Variants in GRHL3 observed in about 807,000 individuals in gnomAD.
The protein encoded by GRHL3 is grainyhead-like protein 3 homolog.
In GRHL3, 20 loss-of-function variants were observed where a neutral mutation model predicts 70.3. The observed-to-expected ratio is 0.28, with a 90% CI of 0.20 to 0.41. The LOEUF is 0.41. GRHL3 is among the 10% of genes least tolerant of loss of function. GRHL3 has a pLI of 1.00. For synonymous variants in GRHL3, 299 were observed against 299.9 expected (o/e 1.00, Z 0.03); for missense variants, 637 against 762.3 (o/e 0.84, Z 1.94).
chr1:24,343,331 C>T (rs541935786), intron 11 of GRHL3: 13 of 342,034 alleles, frequency 3.8e-5, no homozygotes, highest in East Asian at 5.6e-5. Flanking sequence ...GGAATTCTCA[C>T]GGCAGCACTT....
At chr1:24,338,209 C>T in intron 7 of GRHL3, 106 bp downstream of exon 7, 2 of 709,790 alleles carry the variant, frequency 2.8e-6, no homozygotes, top group Non-Finnish European at 4.6e-6. Context: ...TGGCTCTGAC[C>T]TCTGTCTCCA....
At position 24,354,442 on chromosome 1, in the gene GRHL3, T is replaced by C; in HGVS notation, c.1763T>C (p.Met588Thr). The change falls in exon 16 of 16, where the codon ATG becomes ACG. Residue 588 changes from methionine (M) to threonine (T), a missense_variant. Physicochemically the swap from Met to Thr is moderately conservative, Grantham distance 81 (BLOSUM62 -1). Around this residue, in one of 2 missense-constraint regions of GRHL3, gnomAD observed 387 missense variants for 513.8 expected, o/e 0.75. Transcript: ENST00000361548. ...AACCACGTCGCCTTCCTGCTGGACA[T>C]GGGGGAGCTGGACGGCAAAATTCAG... is the stretch of plus-strand genomic sequence containing the variant. ...YSNHVAFLLD[M>T]GELDGKIQII... 1 of 1,613,822 alleles carries C rather than the reference T, an allele frequency of 6.2e-7. No homozygotes were observed. The highest frequency in any genetic ancestry group is 8.5e-7 in the Non-Finnish European group (1 of 1,179,806).
chr1:24,335,128 C>T (rs1639749496), intron 3 of GRHL3, among the ~76,000 whole-genome samples: 1 of 151,786 alleles, frequency 6.6e-6, no homozygotes, highest in Admixed American at 6.6e-5. Context: ...ACTTCAAAGC[C>T]TTAGTAATAG....
intron 1 of GRHL3, among the ~76,000 whole-genome samples, chr1:24,323,968 C>G (rs763178055): frequency 6.6e-6 from 1 of 152,218 alleles, no homozygotes; most frequent in Non-Finnish European, 1.5e-5. Flanking sequence ...TGGCAGTGGC[C>G]TTCACCTTTT....
At position 24,337,644 on chromosome 1, in the gene GRHL3, A is replaced by C; in HGVS notation, c.695A>C (p.Glu232Ala). ...EDYPSLKSDF[E>A]YTLGSPKAIH... ...CTCCCTCCTCCCTGCAGTGACTTTGAATACACCCTGGGCTCCCCCAAAGCC... is the reference window on the plus strand; with the variant it reads ...CTCCCTCCTCCCTGCAGTGACTTTGCATACACCCTGGGCTCCCCCAAAGCC... The change falls in exon 6 of 16, where the codon GAA becomes GCA. Residue 232 changes from glutamate to alanine, a missense_variant. Glu to Ala is a moderately radical substitution (Grantham distance 107). Transcript: ENST00000361548. 6.2e-7 allele frequency: 1 copy of C among 1,614,084 alleles called. No homozygotes were observed. The highest frequency in any genetic ancestry group is 2.2e-5 in the East Asian group (1 of 44,878).
At chr1:24,319,866 G>GA in intron 1 of GRHL3, 1 of 671,686 alleles carries the variant, frequency 1.5e-6, no homozygotes, top group Non-Finnish European at 2.3e-6. Context: ...TTGATCCTCT[G>GA]AAGGGGCCTT....
rs1639732960 is a variant in GRHL3 at position 24,334,775 on chromosome 1, G to T, written c.266+69G>T. The T allele has an allele frequency of 1.3e-5, 17 of 1,296,074 alleles. No homozygotes were observed. The allele number at this position is 1,296,074 out of a possible 1,614,324, so 80.3% of individuals were successfully genotyped here. The stretch of plus-strand genomic sequence containing the variant: ...TCCACCTGGAGCCTCTTCCACACAG[G>T]TTTGACTTATCCATTAGGCACAGGA... On this transcript the variant is annotated intron_variant, in intron 3 of 15. Coordinates refer to ENST00000361548, the MANE Select transcript of GRHL3 (RefSeq NM_198173.3). This position sits in a 1 kb window ranked among gnomAD's most constrained non-coding sequence, Gnocchi z 4.3.
intron 12 of GRHL3, 104 bp downstream of exon 12, chr1:24,345,035 C>A (rs1640203613): frequency 3.0e-6 from 3 of 1,004,366 alleles, no homozygotes; most frequent in Non-Finnish European, 4.4e-6. Flanking sequence ...CCCCTCTACA[C>A]CTGTGCCCCC....
Position 24,334,759 on chromosome 1 carries a change from A to T in GRHL3, c.266+53A>T. 6.9e-7 allele frequency: 1 copy of T among 1,454,726 alleles called. No homozygotes were observed. 90.1% of individuals were successfully genotyped at this position (1,454,726 alleles called of 1,614,324 possible). On this transcript the variant is annotated intron_variant, in intron 3 of 15. Transcript: ENST00000361548. The surrounding 1 kb of genome is among the most constrained non-coding windows in gnomAD (Gnocchi z 4.3). The stretch of plus-strand genomic sequence containing the variant: ...TTTGCCCTTCCCCACCTCCACCTGG[A>T]GCCTCTTCCACACAGGTTTGACTTA...
chr1:24,344,764 G>A, intron 11 of GRHL3, 133 bp from the exon 12 acceptor site: 1 of 933,882 alleles, frequency 1.1e-6, no homozygotes, highest in Non-Finnish European at 1.7e-6. Context: ...GAGCAGAATG[G>A]GCTAGAAAGG....
At chr1:24,361,139 C>T (rs900044051) in intron 15 of GRHL3, 2 of 1,154,330 alleles carry the variant, frequency 1.7e-6, no homozygotes, top group Non-Finnish European at 2.4e-6. Context: ...AGCAAGCTGT[C>T]TGGAAGAGGA....
intron 12 of GRHL3, 45 bp from the exon 13 acceptor site, chr1:24,346,508 G>A (rs147894482): frequency 5.6e-6 from 8 of 1,420,440 alleles, no homozygotes; most frequent in Non-Finnish European, 7.0e-6. Flanking sequence ...GAGCCTCTAG[G>A]GGTCCCCAAG....
rs528002176 is a variant in GRHL3, at chr1:24,342,048, T to A, written c.1048-67T>A. On this transcript the variant is annotated intron_variant, in intron 8 of 15. Coordinates refer to ENST00000361548, the MANE Select transcript of GRHL3 (RefSeq NM_198173.3). The surrounding 1 kb of genome is among the most constrained non-coding windows in gnomAD (Gnocchi z 4.8). ...CACACAGAAAGCTAGAAATACAGGA[T>A]CACTGTGGGACGGTGGGGCTGGCCA... 482 of 1,401,420 alleles carry A rather than the reference T, an allele frequency of 3.4e-4. 4 individuals carry two copies. In the South Asian group the frequency reaches 7.0e-3, roughly 20 times the overall value. 86.8% of individuals were successfully genotyped at this position (1,401,420 alleles called of 1,614,324 possible).
chr1:24,364,224 C>G lies in GRHL3; in HGVS notation c.1734C>G (p.Pro578=), dbSNP rs141931022. The change falls in exon 16 of 16, where the codon CCC becomes CCG. Residue 578 remains proline (P), a synonymous_variant. Transcript: ENST00000350501. Reference sequence around the variant, plus strand: ...TCCACCCACGCCTGTCTCGCCACCCCCCACCTGACTGTCTTGAATGTTCCC... The same window carrying G: ...TCCACCCACGCCTGTCTCGCCACCCGCCACCTGACTGTCTTGAATGTTCCC... 304 of 1,544,576 alleles carry G rather than the reference C, an allele frequency of 2.0e-4. 1 individual carries two copies. The African/African-American group carries it at 3.4e-3, about 17-fold the overall frequency.
At chr1:24,360,993 C>T (rs754801122) in intron 15 of GRHL3, 60 of 1,613,348 alleles carry the variant, frequency 3.7e-5, no homozygotes, top group Admixed American at 6.7e-5. Context: ...AAGGTGGCTT[C>T]GGAGGCAGAG....
In GRHL3 at chr1:24,336,822, C is replaced by T; in HGVS notation, c.607C>T (p.Gln203Ter). The change falls in exon 4 of 16, where the codon CAG becomes TAG. Residue 203 changes from glutamine to a stop codon, truncating the protein, a stop_gained. Transcript: ENST00000361548. LOFTEE classifies it high-confidence loss of function. ...AGACAGCACCTTCAAAGATGACCCA[C>T]AGGAGGTGAGGGCGCATCCCCGCTC... Reference protein sequence around the residue: ...QPDSTFKDDPQESMLFPDILK... With the variant: ...QPDSTFKDDP 6.3e-7 allele frequency: 1 copy of T among 1,599,912 alleles called. No individual in the cohort carries two copies. Among genetic ancestry groups the T allele is most frequent in the Non-Finnish European group, 8.5e-7 (1 of 1,171,142 alleles).
chr1:24,355,898 CTTTTTTT>C (rs59310312), downstream of GRHL3, among the ~76,000 whole-genome samples: 4 of 144,718 alleles, frequency 2.8e-5, no homozygotes, highest in African/African-American at 5.2e-5. Flanking sequence ...TTTCATTTAT[CTTTTTTT>C]TTTTTTTTTT....
chr1:24,326,685 G>A (rs566045842), intron 1 of GRHL3, among the ~76,000 whole-genome samples: 48 of 152,288 alleles, frequency 3.2e-4, no homozygotes, highest in Admixed American at 3.0e-3. Context: ...GGATGGTTAC[G>A]TGGATGGATG....
At chr1:24,328,547 G>A (rs529479002) in intron 1 of GRHL3, among the ~76,000 whole-genome samples, 9 of 152,320 alleles carry the variant, frequency 5.9e-5, no homozygotes, top group South Asian at 2.1e-4. Context: ...TCACTTTATC[G>A]TTGTCTTCTA....
Sources: gnomAD v4.1 joint callset for allele counts (sites outside exome capture counted in the v4.1 genomes callset) on GRCh38, gnomAD v4.1.1 for gene constraint, gnomAD v4.1.1 regional missense constraint, Gnocchi (gnomAD v3.1) non-coding constraint, MANE v1.5 for transcripts, NCBI Gene and HGNC (gene_info 2026-07-23, HGNC 2026-07-21) for gene names.